The following KCNU1 variants were observed in gnomAD, a reference collection of about 807,000 sequenced individuals.
KCNU1 encodes potassium channel subfamily U member 1.
In KCNU1, 93 loss-of-function variants were observed where a neutral mutation model predicts 126.8. The observed-to-expected ratio is 0.73, with a 90% CI of 0.62 to 0.87. The LOEUF is 0.87. Ranked by LOEUF, KCNU1 falls within the 40% of genes least tolerant of loss-of-function variation. The probability of loss-of-function intolerance (pLI) is 0.00; values close to 1 mark genes in which losing one functional copy is unlikely to be tolerated. For missense variants in KCNU1, 1,330 were observed against 1,367.1 expected (o/e 0.97, Z 0.43); for synonymous variants, 523 against 494.2 (o/e 1.06, Z -0.77).
intron 2 of KCNU1, among the ~76,000 whole-genome samples, chr8:36,802,240 C>T (rs1803340189): frequency 6.6e-6 from 1 of 151,824 alleles, no homozygotes; most frequent in Non-Finnish European, 1.5e-5. Context: ...AAACTAGGGT[C>T]AATTTGAAAT....
At chr8:36,853,695 A>G (rs1448390887) in intron 18 of KCNU1, among the ~76,000 whole-genome samples, 1 of 152,162 alleles carries the variant, frequency 6.6e-6, no homozygotes, top group Non-Finnish European at 1.5e-5. Context: ...GAGACTATTC[A>G]ATGTATACTT....
intron 19 of KCNU1, among the ~76,000 whole-genome samples, chr8:36,875,333 C>T (rs1806241453): frequency 1.3e-5 from 2 of 149,608 alleles, no homozygotes; most frequent in African/African-American, 4.9e-5. Context: ...CTTATTTATA[C>T]ATACCAATAC....
chr8:36,812,582 G>A (rs1803764906), intron 7 of KCNU1, among the ~76,000 whole-genome samples: 1 of 152,090 alleles, frequency 6.6e-6, no homozygotes, highest in African/African-American at 2.4e-5. Flanking sequence ...CTTATCTAAA[G>A]TTGAAACAAA....
In KCNU1 at chr8:36,851,373, T is replaced by TTCTCTCTCTCTC. The variant is rs767473600; in HGVS notation, c.1891+5476_1891+5487dup. 5.9e-3 allele frequency among the ~76,000 whole-genome samples: 831 copies of TTCTCTCTCTCTC among 140,346 alleles called. 9 individuals carry two copies. Among genetic ancestry groups the TTCTCTCTCTCTC allele is most frequent in the Non-Finnish European group, 8.8e-3 (563 of 63,806 alleles). 92.1% of individuals were successfully genotyped at this position (140,346 alleles called of 152,430 possible). On this transcript the variant is annotated intron_variant, in intron 18 of 26. Transcript: ENST00000399881. Reference sequence around the variant, plus strand: ...GATGGTTTAAAGTGTGGCACTTCCCTTCTCTCTCTCTCTATCTCTCTCTCT... The same window carrying TTCTCTCTCTCTC: ...GATGGTTTAAAGTGTGGCACTTCCCTTCTCTCTCTCTCTCTCTCTCTCTCTATCTCTCTCTCT...
chr8:36,836,494 A>C lies in KCNU1; in HGVS notation c.1365+129A>C, dbSNP rs538703416. Reference sequence around the variant, plus strand: ...CATAGGTAAAATTTGGAGTCTTATTAAGATGGATAATCACTTAACAATGTA... The same window carrying C: ...CATAGGTAAAATTTGGAGTCTTATTCAGATGGATAATCACTTAACAATGTA... On this transcript the variant is annotated intron_variant, in intron 13 of 26. Coordinates refer to ENST00000399881, the MANE Select transcript of KCNU1 (RefSeq NM_001031836.3). 9.1e-6 allele frequency: 6 copies of C among 657,542 alleles called. No homozygotes were observed. The Admixed American group carries it at 1.4e-4, about 15-fold the overall frequency. The allele number at this position is 657,542 out of a possible 1,614,324, so 40.7% of individuals were successfully genotyped here. A position where few individuals can be genotyped will look rare whatever the true frequency, so the allele number is the denominator to read the frequency against.
intron 12 of KCNU1, among the ~76,000 whole-genome samples, chr8:36,835,384 G>T (rs1457734025): frequency 7.0e-5 from 10 of 143,274 alleles, no homozygotes; most frequent in African/African-American, 2.3e-4. Flanking sequence ...TGCTCTTGTT[G>T]CCTGTGCTGG....
At chr8:36,877,523 A>G (rs1806319463) in intron 19 of KCNU1, among the ~76,000 whole-genome samples, 2 of 151,930 alleles carry the variant, frequency 1.3e-5, no homozygotes, top group Non-Finnish European at 2.9e-5. Context: ...GGCTGGTCTC[A>G]AACTTCTGAT....
chr8:36,916,560 C>A (rs1808120854), intron 22 of KCNU1, among the ~76,000 whole-genome samples: 1 of 152,096 alleles, frequency 6.6e-6, no homozygotes, highest in Non-Finnish European at 1.5e-5. Context: ...TTAATTCCCC[C>A]AAGTCTTCCT....
chr8:36,879,651 GA>G (rs1484641555), intron 19 of KCNU1, among the ~76,000 whole-genome samples: 1 of 152,108 alleles, frequency 6.6e-6, no homozygotes, highest in Non-Finnish European at 1.5e-5. Context: ...TTAAAATGCC[GA>G]ATGCTTCAAC....
intron 19 of KCNU1, among the ~76,000 whole-genome samples, chr8:36,898,736 T>C (rs2117477829): frequency 6.6e-6 from 1 of 152,238 alleles, no homozygotes; most frequent in East Asian, 1.9e-4. Context: ...AAGTATTTTT[T>C]ATTTAGATCA....
chr8:36,834,936 A>G (rs1309973823), intron 12 of KCNU1, 68 bp downstream of exon 12: 1 of 966,742 alleles, frequency 1.0e-6, no homozygotes, highest in South Asian at 1.5e-5. Flanking sequence ...AATGCCCGGT[A>G]CATAAGCATA....
At chr8:36,872,299 G>A (rs1380023550) in intron 19 of KCNU1, among the ~76,000 whole-genome samples, 1 of 152,138 alleles carries the variant, frequency 6.6e-6, no homozygotes, top group African/African-American at 2.4e-5. Flanking sequence ...ACGTATAGGG[G>A]AGGTATAATT....
intron 19 of KCNU1, 34 bp downstream of exon 19, chr8:36,864,555 T>A: frequency 8.0e-7 from 1 of 1,255,460 alleles, no homozygotes; most frequent in Non-Finnish European, 1.2e-6. Flanking sequence ...TCTCCTATAG[T>A]TTTTTTGAGA....
At chr8:36,879,944 A>G (rs1806412183) in intron 19 of KCNU1, among the ~76,000 whole-genome samples, 2 of 152,222 alleles carry the variant, frequency 1.3e-5, no homozygotes, top group South Asian at 4.1e-4. Context: ...AAGCAAGACA[A>G]ACATAACAAT....
At chr8:36,843,608 G>A (rs1321586675) in intron 16 of KCNU1, among the ~76,000 whole-genome samples, 2 of 152,174 alleles carry the variant, frequency 1.3e-5, no homozygotes, top group African/African-American at 4.8e-5. Flanking sequence ...CCAGGGCTGT[G>A]CTTCTGTAAC....
At chr8:36,786,862 G>A (rs1322074932) in intron 1 of KCNU1, among the ~76,000 whole-genome samples, 1 of 152,132 alleles carries the variant, frequency 6.6e-6, no homozygotes, top group East Asian at 1.9e-4. Flanking sequence ...CAAAATTGCT[G>A]AAAACTTCCC....
At chr8:36,896,163 A>T (rs193275188) in intron 19 of KCNU1, among the ~76,000 whole-genome samples, 18 of 152,084 alleles carry the variant, frequency 1.2e-4, no homozygotes, top group African/African-American at 1.2e-4. Flanking sequence ...CTAAACTATT[A>T]TATTTTAAAT....
intron 2 of KCNU1, among the ~76,000 whole-genome samples, chr8:36,799,917 T>G (rs1447176021): frequency 6.6e-6 from 1 of 152,074 alleles, no homozygotes. Context: ...CTAGTTCACT[T>G]TCATCAGTAT....
At chr8:36,927,053 C>G (rs1808557386) in intron 24 of KCNU1, among the ~76,000 whole-genome samples, 1 of 152,118 alleles carries the variant, frequency 6.6e-6, no homozygotes, top group South Asian at 2.1e-4. Flanking sequence ...CCACCTTTCT[C>G]TCTCCACCGC....
Sources: allele counts gnomAD v4.1 joint callset (sites outside exome capture counted in the v4.1 genomes callset), GRCh38; gene constraint gnomAD v4.1.1; transcripts MANE v1.5; gene names NCBI Gene and HGNC (gene_info 2026-07-23, HGNC 2026-07-21).